TMEM132D: variants seen among roughly 807,000 people sequenced by gnomAD.
The protein encoded by TMEM132D is transmembrane protein 132D.
A neutral mutation model predicts 62.3 loss-of-function variants in TMEM132D; 21 were observed. The ratio of observed to expected loss-of-function variants is 0.34; its 90% CI spans 0.24 to 0.49. The LOEUF (loss-of-function observed/expected upper bound fraction) is 0.49. TMEM132D is among the 20% of genes least tolerant of loss of function. TMEM132D has a pLI of 0.99. For synonymous variants in TMEM132D, 621 were observed against 575.6 expected, an observed-to-expected ratio of 1.08 and a Z score of -1.13; for missense variants, 1,346 against 1,402.8, an observed-to-expected ratio of 0.96 and a Z score of 0.65.
chr12:129,552,732 A>G (rs1180985461), intron 2 of TMEM132D, among the ~76,000 whole-genome samples: 1 of 151,320 alleles, frequency 6.6e-6, no homozygotes, highest in Non-Finnish European at 1.5e-5. Flanking sequence ...CTACATTATC[A>G]TCTCTATTAT....
chr12:129,803,560 A>G (rs1871871120), intron 1 of TMEM132D, among the ~76,000 whole-genome samples: 1 of 150,988 alleles, frequency 6.6e-6, no homozygotes, highest in Non-Finnish European at 1.5e-5. Flanking sequence ...GGAAATTTAT[A>G]GCACTAAATG....
chr12:129,140,971 G>A (rs1452201632), intron 5 of TMEM132D, among the ~76,000 whole-genome samples: 1 of 152,138 alleles, frequency 6.6e-6, no homozygotes, highest in Non-Finnish European at 1.5e-5. Context: ...TCAGTTATTG[G>A]ACATTTGAGT....
At chr12:129,635,797 T>C (rs1289616521) in intron 2 of TMEM132D, among the ~76,000 whole-genome samples, 1 of 152,214 alleles carries the variant, frequency 6.6e-6, no homozygotes, top group Admixed American at 6.5e-5. Context: ...AGACGCAGCC[T>C]CAGGAGGTCC....
chr12:129,553,620 A>G (rs1876965125), intron 2 of TMEM132D, among the ~76,000 whole-genome samples: 1 of 152,172 alleles, frequency 6.6e-6, no homozygotes, highest in African/African-American at 2.4e-5. Context: ...ACTGTTTTCA[A>G]GCTCCCAACA....
chr12:129,844,584 T>C (rs1342050147), intron 1 of TMEM132D, among the ~76,000 whole-genome samples: 1 of 152,234 alleles, frequency 6.6e-6, no homozygotes, highest in Non-Finnish European at 1.5e-5. Flanking sequence ...TGCTGGACTT[T>C]CTAAGCAAAG....
intron 2 of TMEM132D, among the ~76,000 whole-genome samples, chr12:129,622,229 C>G (rs1310348084): frequency 6.6e-6 from 1 of 152,182 alleles, no homozygotes; most frequent in Non-Finnish European, 1.5e-5. Context: ...ACAAGCCCCA[C>G]TCGTCCACTA....
At chr12:129,717,006 AC>A (rs1868604312) in intron 1 of TMEM132D, among the ~76,000 whole-genome samples, 2 of 152,330 alleles carry the variant, frequency 1.3e-5, no homozygotes, top group Admixed American at 6.5e-5. Context: ...CTAACATGCA[AC>A]CCACCTTCAT....
chr12:129,758,039 A>G (rs1870228727), intron 1 of TMEM132D, among the ~76,000 whole-genome samples: 1 of 152,002 alleles, frequency 6.6e-6, no homozygotes, highest in Non-Finnish European at 1.5e-5. Context: ...AGTAGATGGG[A>G]TTACAGGTGC....
chr12:129,475,945 A>C (rs1824723034), intron 3 of TMEM132D, among the ~76,000 whole-genome samples: 1 of 152,260 alleles, frequency 6.6e-6, no homozygotes, highest in African/African-American at 2.4e-5. Context: ...ATGCAGAAAT[A>C]CTTCCTATTT....
chr12:129,485,692 C>T (rs963271063), intron 3 of TMEM132D, among the ~76,000 whole-genome samples: 3 of 152,170 alleles, frequency 2.0e-5, no homozygotes, highest in Non-Finnish European at 4.4e-5. Context: ...AGGAACATGC[C>T]CCTTTGTGTG....
In TMEM132D at chr12:129,779,105, C is replaced by T. The variant is rs1374879073; in HGVS notation, c.80-78407G>A. 2.0e-5 allele frequency among the ~76,000 whole-genome samples: 3 copies of T among 152,168 alleles called. No individual in the cohort carries two copies. The highest frequency in any genetic ancestry group is 2.9e-5 in the Non-Finnish European group (2 of 68,040). On this transcript the variant is annotated intron_variant, in intron 1 of 8. Coordinates refer to ENST00000422113, the MANE Select transcript of TMEM132D (RefSeq NM_133448.3). The surrounding 1 kb of genome is among the most constrained non-coding windows in gnomAD (Gnocchi z 4.1). The stretch of plus-strand genomic sequence containing the variant: ...CAATGTCCTTACCATTCTCATACAA[C>T]GAGGCGACTGCAACAGCTCCAGGCA...
At chr12:129,188,775 G>C (rs567578934) in intron 5 of TMEM132D, among the ~76,000 whole-genome samples, 41 of 32,752 alleles carry the variant, frequency 1.3e-3, no homozygotes, top group African/African-American at 4.3e-3. Context: ...GAGAGAGAGA[G>C]AGAGAGAGAG....
chr12:129,583,739 T>TC (rs1877942914), intron 2 of TMEM132D, among the ~76,000 whole-genome samples: 1 of 152,136 alleles, frequency 6.6e-6, no homozygotes, highest in Non-Finnish European at 1.5e-5. Context: ...GAGCAAAGAA[T>TC]CCCTTGGAGA....
chr12:129,397,023 T>C (rs1482907094), intron 3 of TMEM132D, among the ~76,000 whole-genome samples: 2 of 152,160 alleles, frequency 1.3e-5, no homozygotes, highest in Non-Finnish European at 2.9e-5. Flanking sequence ...TACTTACTGG[T>C]TTATGGGTGA....
chr12:129,139,221 T>G (rs910786509), intron 5 of TMEM132D, among the ~76,000 whole-genome samples: 4 of 150,404 alleles, frequency 2.7e-5, no homozygotes, highest in Non-Finnish European at 4.4e-5. Flanking sequence ...TCAAAATTCT[T>G]TCTTTCCAGT....
intron 1 of TMEM132D, among the ~76,000 whole-genome samples, chr12:129,813,199 T>G (rs1371539786): frequency 1.3e-5 from 2 of 151,800 alleles, no homozygotes; most frequent in Non-Finnish European, 2.9e-5. Context: ...AAATCCACAG[T>G]GGTCACTCTA....
intron 4 of TMEM132D, among the ~76,000 whole-genome samples, chr12:129,330,137 A>G (rs1463861405): frequency 6.6e-6 from 1 of 152,166 alleles, no homozygotes; most frequent in Non-Finnish European, 1.5e-5. Flanking sequence ...ACATGATTGT[A>G]ATCCCAAGAA....
At chr12:129,518,945 T>A (rs3867492) in intron 3 of TMEM132D, among the ~76,000 whole-genome samples, 1 of 152,138 alleles carries the variant, frequency 6.6e-6, no homozygotes, top group Non-Finnish European at 1.5e-5. Flanking sequence ...CTGACATATC[T>A]CTTTTCTACA....
intron 2 of TMEM132D, among the ~76,000 whole-genome samples, chr12:129,588,494 C>A (rs1042807185): frequency 1.3e-5 from 2 of 152,084 alleles, no homozygotes; most frequent in Non-Finnish European, 2.9e-5. Context: ...GAAAATGGGC[C>A]TGAAATAGGA....
Sources: gnomAD v4.1 joint callset for allele counts (sites outside exome capture counted in the v4.1 genomes callset) on GRCh38, gnomAD v4.1.1 for gene constraint, Gnocchi (gnomAD v3.1) non-coding constraint, MANE v1.5 for transcripts, NCBI Gene and HGNC (gene_info 2026-07-23, HGNC 2026-07-21) for gene names.